ABI1: variants seen among roughly 807,000 people sequenced by gnomAD.
ABI1 encodes the protein Abelson interactor 1.
A neutral mutation model predicts 54.6 loss-of-function variants in ABI1; 14 were observed. The observed-to-expected ratio is 0.26, with a 90% CI of 0.17 to 0.40. ABI1 has a LOEUF of 0.40. ABI1 is among the 10% of genes least tolerant of loss of function. The pLI is 1.00. For synonymous variants in ABI1, 194 were observed against 209.3 expected (o/e 0.93, Z 0.63); for missense variants, 443 against 598.3 (o/e 0.74, Z 2.71).
At chr10:26,818,626 C>T (rs1027758122) in intron 2 of ABI1, among the ~76,000 whole-genome samples, 2 of 78,822 alleles carry the variant, frequency 2.5e-5, no homozygotes, top group African/African-American at 8.1e-5. Flanking sequence ...AGCGAGACCC[C>T]GTCACAAAAA....
At chr10:26,753,617 T>C (rs551743414) in intron 9 of ABI1, among the ~76,000 whole-genome samples, 72 of 152,338 alleles carry the variant, frequency 4.7e-4, no homozygotes, top group African/African-American at 1.7e-3. Context: ...GAAATACTTA[T>C]TAATAGGCTG....
intron 5 of ABI1, 145 bp from the exon 6 acceptor site, chr10:26,769,137 C>T: frequency 3.3e-6 from 2 of 600,412 alleles, no homozygotes; most frequent in Non-Finnish European, 5.1e-6. Flanking sequence ...AAAAAATATT[C>T]TTCACTGGGA....
intron 2 of ABI1, among the ~76,000 whole-genome samples, chr10:26,792,555 T>A (rs1843608943): frequency 6.6e-6 from 1 of 152,200 alleles, no homozygotes; most frequent in Non-Finnish European, 1.5e-5. Flanking sequence ...AATTAAGAGT[T>A]GAAGAAAAGA....
At chr10:26,809,283 A>G (rs1564526402) in intron 2 of ABI1, among the ~76,000 whole-genome samples, 1 of 151,884 alleles carries the variant, frequency 6.6e-6, no homozygotes, top group East Asian at 1.9e-4. Flanking sequence ...AAAAAAAAAA[A>G]ATTACTAGTC....
chr10:26,797,215 G>C (rs142349533), intron 2 of ABI1, among the ~76,000 whole-genome samples: 68 of 152,320 alleles, frequency 4.5e-4, no homozygotes, highest in African/African-American at 1.5e-3. Flanking sequence ...CAGACTGCCT[G>C]GTTCAAATGA....
At chr10:26,772,095 G>A (rs1026622190) in intron 3 of ABI1, among the ~76,000 whole-genome samples, 1 of 151,856 alleles carries the variant, frequency 6.6e-6, no homozygotes, top group African/African-American at 2.4e-5. Context: ...GAGATTTGGT[G>A]TCTTTTGGAT....
intron 1 of ABI1, among the ~76,000 whole-genome samples, chr10:26,847,756 T>C (rs574400288): frequency 1.3e-5 from 2 of 152,162 alleles, no homozygotes; most frequent in East Asian, 1.9e-4. Flanking sequence ...CCTTTTTTCA[T>C]GGAAAACATA....
chr10:26,786,347 T>A (rs1349449253), intron 2 of ABI1, among the ~76,000 whole-genome samples: 1 of 152,038 alleles, frequency 6.6e-6, no homozygotes, highest in Non-Finnish European at 1.5e-5. Flanking sequence ...CCCGAGTAGC[T>A]GGGACTACAG....
chr10:26,827,490 G>T (rs1411516956), intron 1 of ABI1, among the ~76,000 whole-genome samples: 1 of 150,662 alleles, frequency 6.6e-6, no homozygotes, highest in Non-Finnish European at 1.5e-5. Context: ...CAAAATGCAG[G>T]GGAATTACAG....
Position 26,839,988 on chromosome 10 carries a change from TCAAAAAAAACAAAAACAAAAA to T in ABI1, c.118-16704_118-16684del, listed in dbSNP as rs2049375430. On this transcript the variant is annotated intron_variant, in intron 1 of 10. Transcript: ENST00000376140. ...CGGGGTGACATAGAGAGATCCTGTATCAAAAAAAACAAAAACAAAAACAAAAAAAACAAATTCAAGATTCTA... is the reference window on the plus strand; with the variant it reads ...CGGGGTGACATAGAGAGATCCTGTATCAAAAAAAACAAATTCAAGATTCTA... Among the ~76,000 whole-genome samples the T allele has an allele frequency of 2.6e-5, 4 of 151,718 alleles. No individual in the cohort carries two copies. The South Asian group carries it at 8.3e-4, about 32-fold the overall frequency.
At chr10:26,751,160 A>G (rs567295366) in intron 10 of ABI1, among the ~76,000 whole-genome samples, 1 of 152,298 alleles carries the variant, frequency 6.6e-6, no homozygotes, top group Admixed American at 6.5e-5. Flanking sequence ...CTGAATGCAT[A>G]TCATTTTTGT....
intron 2 of ABI1, among the ~76,000 whole-genome samples, chr10:26,803,052 GA>G (rs1354260183): frequency 6.6e-6 from 1 of 152,184 alleles, no homozygotes; most frequent in Non-Finnish European, 1.5e-5. Flanking sequence ...TGGGAGCAAG[GA>G]AAAGGTTTCC....
chr10:26,777,049 A>G lies in ABI1; in HGVS notation c.462+16T>C. 1 of 1,552,344 alleles carries G rather than the reference A, an allele frequency of 6.4e-7. No homozygotes were observed. Among genetic ancestry groups the G allele is most frequent in the Non-Finnish European group, 8.7e-7 (1 of 1,154,110 alleles). Reference sequence around the variant, plus strand: ...GATATGCAAATTAGCTTGTTAATGTAATATAAAATGCTTACCTTGACACCA... The same window carrying G: ...GATATGCAAATTAGCTTGTTAATGTGATATAAAATGCTTACCTTGACACCA... On this transcript the variant is annotated intron_variant, in intron 3 of 10. Coordinates refer to ENST00000376140, the MANE Select transcript of ABI1 (RefSeq NM_001012750.3).
chr10:26,792,256 T>A (rs1015653542), intron 2 of ABI1, among the ~76,000 whole-genome samples: 5 of 152,264 alleles, frequency 3.3e-5, no homozygotes, highest in African/African-American at 1.2e-4. Context: ...ATATTACATT[T>A]ATTCTTTTGA....
chr10:26,776,964 C>A, intron 3 of ABI1, 101 bp downstream of exon 3: 1 of 1,089,468 alleles, frequency 9.2e-7, no homozygotes, highest in Non-Finnish European at 1.3e-6. Context: ...ATGCCAGCTG[C>A]TAAAGAGAAT....
chr10:26,804,100 C>T (rs1179642534), intron 2 of ABI1, among the ~76,000 whole-genome samples: 1 of 151,940 alleles, frequency 6.6e-6, no homozygotes, highest in African/African-American at 2.4e-5. Flanking sequence ...TACAATAGAT[C>T]GGCTGGGTGT....
intron 2 of ABI1, among the ~76,000 whole-genome samples, chr10:26,787,841 A>T (rs1476067735): frequency 6.6e-6 from 1 of 151,828 alleles, no homozygotes; most frequent in African/African-American, 2.4e-5. Context: ...AGTACCCTAT[A>T]GCAATCCTTA....
rs1412654176 is a variant in ABI1, at chr10:26,815,615, AT to A, written c.285+7522del. ...CCAGTCCTCCAACTACACAATTTAA[AT>A]TTCAGTTACATTCAGGTGCAGTGGT... is the stretch of plus-strand genomic sequence containing the variant. On this transcript the variant is annotated intron_variant, in intron 2 of 10. Transcript: ENST00000376140. Among the ~76,000 whole-genome samples the A allele has an allele frequency of 4.6e-5, 7 of 152,356 alleles. No individual in the cohort carries two copies. In the East Asian group the frequency reaches 1.4e-3, roughly 29 times the overall value.
In ABI1 at chr10:26,860,596, C is replaced by T. The variant is rs545711492; in HGVS notation, c.117+151G>A. 3.0e-6 allele frequency: 2 copies of T among 661,266 alleles called. No homozygotes were observed. The highest frequency in any genetic ancestry group is 3.5e-5 in the South Asian group (2 of 57,936). The allele number at this position is 661,266 out of a possible 1,614,324, so 41.0% of individuals were successfully genotyped here. A position where few individuals can be genotyped will look rare whatever the true frequency, so the allele number is the denominator to read the frequency against. On this transcript the variant is annotated intron_variant, in intron 1 of 10. Transcript: ENST00000376140. The surrounding 1 kb of genome is among the most constrained non-coding windows in gnomAD (Gnocchi z 4.1). The stretch of plus-strand genomic sequence containing the variant: ...CCCTCAGCCCGGCCACTCGCTCTGT[C>T]CCCGGTTGGGGCTGGGGTTGGGGCT...
Sources: gnomAD v4.1 joint callset for allele counts (sites outside exome capture counted in the v4.1 genomes callset) on GRCh38, gnomAD v4.1.1 for gene constraint, Gnocchi (gnomAD v3.1) non-coding constraint, MANE v1.5 for transcripts, NCBI Gene and HGNC (gene_info 2026-07-23, HGNC 2026-07-21) for gene names.